Variants in IL1RAPL2 observed in about 807,000 individuals in gnomAD.
IL1RAPL2 encodes the protein X-linked interleukin-1 receptor accessory protein-like 2.
In IL1RAPL2, 3 loss-of-function variants were observed where a neutral mutation model predicts 44.1. That is an observed-to-expected ratio of 0.07 (90% CI 0.03 to 0.18). The LOEUF is 0.18. IL1RAPL2 is among the 10% of genes least tolerant of loss of function. The pLI is 1.00. For synonymous variants in IL1RAPL2, 181 were observed against 178.8 expected, an observed-to-expected ratio of 1.01 and a Z score of -0.10; for missense variants, 391 against 496.4, an observed-to-expected ratio of 0.79 and a Z score of 2.02.
At chrX:104,605,044 C>T (rs1397654893) in intron 1 of IL1RAPL2, among the ~76,000 whole-genome samples, 4 of 111,748 alleles carry the variant, frequency 3.6e-5, no homozygotes, top group African/African-American at 1.3e-4. Flanking sequence ...CACACTTATT[C>T]AAAAACTGAC....
chrX:105,706,213 A>G (rs2038164420), intron 6 of IL1RAPL2, among the ~76,000 whole-genome samples: 1 of 111,396 alleles, frequency 9.0e-6, no homozygotes, highest in Non-Finnish European at 1.9e-5. Flanking sequence ...TTGAGTCAGT[A>G]GATGAGTAGT....
At chrX:105,089,400 T>C (rs1304739043) in intron 2 of IL1RAPL2, among the ~76,000 whole-genome samples, 2 of 111,133 alleles carry the variant, frequency 1.8e-5, no homozygotes, top group African/African-American at 6.5e-5. Context: ...GTCAGTGAAG[T>C]GAGTCCCTAT....
chrX:105,459,959 C>T lies in IL1RAPL2; in HGVS notation c.698-24354C>T, dbSNP rs139035777. 7.0e-3 allele frequency among the ~76,000 whole-genome samples: 777 copies of T among 110,828 alleles called. 12 individuals are homozygous for T. Among genetic ancestry groups the T allele is most frequent in the African/African-American group, 0.024 (737 of 30,577 alleles). On this transcript the variant is annotated intron_variant, in intron 5 of 10. Coordinates refer to ENST00000372582, the MANE Select transcript of IL1RAPL2 (RefSeq NM_017416.2). Reference sequence around the variant, plus strand: ...ACTATACCAACTTACCAATATAATCCGGTACTTCAATTATTTTGGCTATGC... The same window carrying T: ...ACTATACCAACTTACCAATATAATCTGGTACTTCAATTATTTTGGCTATGC...
intron 5 of IL1RAPL2, among the ~76,000 whole-genome samples, chrX:105,447,960 A>G (rs2035986515): frequency 1.0e-5 from 1 of 100,387 alleles, no homozygotes; most frequent in Non-Finnish European, 2.0e-5. Flanking sequence ...AAATATATAT[A>G]AATATATTAA....
chrX:104,686,495 G>A (rs188842977), intron 2 of IL1RAPL2, among the ~76,000 whole-genome samples: 48 of 111,757 alleles, frequency 4.3e-4, no homozygotes, highest in Non-Finnish European at 6.8e-4. Context: ...AAATTTGGCT[G>A]AATATTTTAG....
chrX:105,670,637 A>G, intron 6 of IL1RAPL2, among the ~76,000 whole-genome samples: 1 of 109,352 alleles, frequency 9.1e-6, no homozygotes, highest in Non-Finnish European at 1.9e-5. Flanking sequence ...TCTAACTGGA[A>G]TGTTGATAGT....
chrX:104,627,985 C>T (rs1029306166), intron 1 of IL1RAPL2, among the ~76,000 whole-genome samples: 3 of 111,153 alleles, frequency 2.7e-5, no homozygotes, highest in African/African-American at 3.3e-5. Context: ...TTTTAAATAA[C>T]GTTAAGATGA....
intron 2 of IL1RAPL2, among the ~76,000 whole-genome samples, chrX:104,863,415 T>C (rs756545071): frequency 1.3e-3 from 146 of 112,447 alleles, no homozygotes; most frequent in African/African-American, 4.5e-3. Context: ...CATTATGTTA[T>C]ATCTGCTATG....
intron 1 of IL1RAPL2, among the ~76,000 whole-genome samples, chrX:104,639,636 G>A (rs755396506): frequency 2.7e-5 from 3 of 111,150 alleles, no homozygotes; most frequent in Non-Finnish European, 5.7e-5. Context: ...CTTCATGATG[G>A]TAAAAGTCCT....
At chrX:105,657,060 C>T (rs1365240090) in intron 6 of IL1RAPL2, among the ~76,000 whole-genome samples, 3 of 111,697 alleles carry the variant, frequency 2.7e-5, no homozygotes, top group Non-Finnish European at 5.6e-5. Flanking sequence ...CACACTACTA[C>T]TATGACTCTG....
chrX:105,038,402 C>G (rs1007548429), intron 2 of IL1RAPL2, among the ~76,000 whole-genome samples: 12 of 111,683 alleles, frequency 1.1e-4, no homozygotes, highest in Non-Finnish European at 2.3e-4. Context: ...TCCCACTTTC[C>G]TTTATGTGTT....
intron 6 of IL1RAPL2, among the ~76,000 whole-genome samples, chrX:105,652,445 T>C (rs2037648119): frequency 8.9e-6 from 1 of 111,746 alleles, no homozygotes; most frequent in Non-Finnish European, 1.9e-5. Context: ...ACCTGAAAAT[T>C]ACCATCCTCT....
intron 5 of IL1RAPL2, among the ~76,000 whole-genome samples, chrX:105,428,377 A>T (rs2035825549): frequency 9.0e-6 from 1 of 111,555 alleles, no homozygotes; most frequent in African/African-American, 3.3e-5. Flanking sequence ...GTTAACTCAG[A>T]CTTTATACTT....
At chrX:104,592,266 A>C (rs1928684269) in intron 1 of IL1RAPL2, among the ~76,000 whole-genome samples, 1 of 107,077 alleles carries the variant, frequency 9.3e-6, no homozygotes, top group Admixed American at 1.0e-4. Flanking sequence ...GAGTGCAAAA[A>C]GATTCACATT....
chrX:105,640,745 TA>T (rs759480878), intron 6 of IL1RAPL2, among the ~76,000 whole-genome samples: 11 of 5,777 alleles, frequency 1.9e-3, no homozygotes, highest in African/African-American at 5.2e-3. Context: ...TAGATATAGA[TA>T]GATATAGATA....
intron 5 of IL1RAPL2, among the ~76,000 whole-genome samples, chrX:105,479,600 G>A (rs1030730641): frequency 4.6e-5 from 5 of 109,064 alleles, no homozygotes; most frequent in African/African-American, 1.7e-4. Flanking sequence ...TTAGCCGGGC[G>A]TGGTGGTGCA....
chrX:105,077,409 G>T, intron 2 of IL1RAPL2, among the ~76,000 whole-genome samples: 1 of 111,979 alleles, frequency 8.9e-6, no homozygotes, highest in Middle Eastern at 4.6e-3. Context: ...CTGCAGAGAG[G>T]TCAGCTGTTA....
intron 2 of IL1RAPL2, among the ~76,000 whole-genome samples, chrX:104,828,126 G>A (rs900277979): frequency 9.0e-6 from 1 of 111,608 alleles, no homozygotes; most frequent in Non-Finnish European, 1.9e-5. Flanking sequence ...GCGTACTTCT[G>A]TCAATTTGTC....
At chrX:105,096,836 T>A (rs1486560272) in intron 2 of IL1RAPL2, among the ~76,000 whole-genome samples, 8 of 112,250 alleles carry the variant, frequency 7.1e-5, no homozygotes, top group Admixed American at 3.8e-4. Context: ...ATACAAATTT[T>A]ATGTTTTATG....
Sources: allele counts gnomAD v4.1 joint callset (sites outside exome capture counted in the v4.1 genomes callset), GRCh38; gene constraint gnomAD v4.1.1; transcripts MANE v1.5; gene names NCBI Gene and HGNC (gene_info 2026-07-23, HGNC 2026-07-21).